PGLS: variants seen among roughly 807,000 people sequenced by gnomAD.
The protein encoded by PGLS is 6-phosphogluconolactonase.
A neutral mutation model predicts 23.2 loss-of-function variants in PGLS; 21 were observed. The ratio of observed to expected loss-of-function variants is 0.91; its 90% CI spans 0.64 to 1.31. The LOEUF (loss-of-function observed/expected upper bound fraction) is 1.31. PGLS is among the 50% of genes most tolerant of loss of function. The probability of loss-of-function intolerance (pLI) is 0.00; values close to 1 mark genes in which losing one functional copy is unlikely to be tolerated. For synonymous variants in PGLS, 179 were observed against 165.4 expected (o/e 1.08, Z -0.63); for missense variants, 410 against 354.0 (o/e 1.16, Z -1.27).
intron 1 of PGLS, chr19:17,512,930 A>G (rs2075515921): frequency 6.6e-6 from 1 of 152,278 alleles, no homozygotes. Flanking sequence ...ATGAGATGTT[A>G]CACTCATTTC....
At chr19:17,517,193 G>GATAAAAAAA (rs2075537375) in intron 2 of PGLS, 95 bp from the exon 3 acceptor site, 1 of 791,696 alleles carries the variant, frequency 1.3e-6, no homozygotes, top group Non-Finnish European at 2.2e-6. Context: ...ACAGCTACTT[G>GATAAAAAAA]TATTTTTTTA....
At chr19:17,517,433 T>G (rs577652792) in intron 3 of PGLS, 44 bp downstream of exon 3, 1 of 1,452,124 alleles carries the variant, frequency 6.9e-7, no homozygotes, top group African/African-American at 1.4e-5. Flanking sequence ...CTGAGCCCAG[T>G]CCCTAACATC....
chr19:17,519,691 C>T (rs2075548756), intron 4 of PGLS, among the ~76,000 whole-genome samples: 2 of 152,158 alleles, frequency 1.3e-5, no homozygotes, highest in Non-Finnish European at 2.9e-5. Flanking sequence ...TGAACCACCG[C>T]ACCCGGCCCA....
In PGLS at chr19:17,517,315, T is replaced by C; in HGVS notation, c.424T>C (p.Phe142Leu). The C allele has an allele frequency of 6.2e-7, 1 of 1,614,002 alleles. No homozygotes were observed. Among genetic ancestry groups the C allele is most frequent in the South Asian group, 1.1e-5 (1 of 91,080 alleles). ...QAFQGDSIPVFDLLILGVGPD... is the reference protein window; with the variant it reads ...QAFQGDSIPVLDLLILGVGPD... ...ATTCCAAGGGGACTCCATCCCGGTTTTCGACCTGCTGATCCTGGGGGTGGG... is the reference window on the plus strand; with the variant it reads ...ATTCCAAGGGGACTCCATCCCGGTTCTCGACCTGCTGATCCTGGGGGTGGG... The change falls in exon 3 of 5, where the codon TTC becomes CTC. Residue 142 changes from phenylalanine (F) to leucine (L), a missense_variant. Phe to Leu is a conservative substitution (Grantham distance 22). Transcript: ENST00000252603.
chr19:17,514,410 TTTCCTTCC>T lies in PGLS; in HGVS notation c.289-1754_289-1747del, dbSNP rs143525568. Among the ~76,000 whole-genome samples, 4 of 152,082 alleles carry T rather than the reference TTTCCTTCC, an allele frequency of 2.6e-5. No individual in the cohort carries two copies. The East Asian group carries it at 5.8e-4, about 22-fold the overall frequency. On this transcript the variant is annotated intron_variant, in intron 1 of 4. Coordinates refer to ENST00000252603, the MANE Select transcript of PGLS (RefSeq NM_012088.3). ...ACTAATTACATCTGCAAAGACCCTATTTCCTTCCTTCCTTCCCTCCTTCCCTCCCTTCC... is the reference window on the plus strand; with the variant it reads ...ACTAATTACATCTGCAAAGACCCTATTTCCTTCCCTCCTTCCCTCCCTTCC...
chr19:17,517,452 C>T (rs1244689363), intron 3 of PGLS, 63 bp downstream of exon 3: 15 of 1,325,062 alleles, frequency 1.1e-5, no homozygotes, highest in Non-Finnish European at 1.6e-5. Context: ...TCTGGGACTT[C>T]CAGAGGGAGA....
intron 4 of PGLS, chr19:17,520,302 C>G (rs563380936): frequency 6.6e-6 from 1 of 152,006 alleles, no homozygotes; most frequent in Non-Finnish European, 1.5e-5. Context: ...AATCCCAGCA[C>G]TTTGGGAGAC....
intron 4 of PGLS, chr19:17,518,404 T>C (rs1167661655): frequency 6.6e-6 from 1 of 152,222 alleles, no homozygotes; most frequent in Non-Finnish European, 1.5e-5. Flanking sequence ...TAAAGTATTT[T>C]AGGAAAATAC....
chr19:17,513,737 T>G (rs530267294), intron 1 of PGLS, among the ~76,000 whole-genome samples: 7 of 152,256 alleles, frequency 4.6e-5, no homozygotes, highest in African/African-American at 1.7e-4. Context: ...GAGAATCGCT[T>G]GAATGTGGGA....
rs1599690605 is a variant in PGLS, at chr19:17,517,741, A to C, written c.530A>C (p.Asp177Ala). ...GAGAAGATTGTGGCTCCCATCAGTG[A>C]CTCCCCGAAGCCACCGCCACAGCGT... Reference protein sequence around the residue: ...EREKIVAPISDSPKPPPQRVT... With the variant: ...EREKIVAPISASPKPPPQRVT... Residue 177 changes from aspartate to alanine, a missense_variant, in exon 4 of 5, where the codon GAC becomes GCC. By Grantham distance (126) the Asp-to-Ala change is moderately radical. Coordinates refer to ENST00000252603, the MANE Select transcript of PGLS (RefSeq NM_012088.3). The C allele has an allele frequency of 6.2e-7, 1 of 1,613,724 alleles. No individual in the cohort carries two copies. Among genetic ancestry groups the C allele is most frequent in the Non-Finnish European group, 8.5e-7 (1 of 1,179,956 alleles).
At chr19:17,518,076 GA>G (rs2075541946) in intron 4 of PGLS, among the ~76,000 whole-genome samples, 1 of 150,210 alleles carries the variant, frequency 6.7e-6, no homozygotes, top group Non-Finnish European at 1.5e-5. Context: ...GCTATGAAAT[GA>G]AATTGATGAG....
Position 17,517,641 on chromosome 19 carries a change from G to A in PGLS, c.499-69G>A, listed in dbSNP as rs2075539348. 2.6e-6 allele frequency: 4 copies of A among 1,538,104 alleles called. No homozygotes were observed. The South Asian group carries it at 3.4e-5, about 13-fold the overall frequency. The stretch of plus-strand genomic sequence containing the variant: ...GAACAGTGGCTGGACCAGGCCTGGT[G>A]TGTGTAAGTGTCCAAGAAGCTGAAG... On this transcript the variant is annotated intron_variant, in intron 3 of 4. Coordinates refer to ENST00000252603, the MANE Select transcript of PGLS (RefSeq NM_012088.3).
intron 1 of PGLS, among the ~76,000 whole-genome samples, chr19:17,515,243 T>C (rs1355372785): frequency 1.3e-5 from 2 of 152,122 alleles, no homozygotes; most frequent in African/African-American, 4.8e-5. Context: ...GGCTCCCCAA[T>C]GCCCTCAGTG....
Position 17,519,018 on chromosome 19 carries a change from A to G in PGLS, c.639+1168A>G, listed in dbSNP as rs892802606. On this transcript the variant is annotated intron_variant, in intron 4 of 4. Coordinates refer to ENST00000252603, the MANE Select transcript of PGLS (RefSeq NM_012088.3). ...GGAACATCACGAGAACTCATCTCCA[A>G]AAAAAATAAATCAGGCGGGGCGCGG... is the stretch of plus-strand genomic sequence containing the variant. Among the ~76,000 whole-genome samples the G allele has an allele frequency of 5.3e-5, 8 of 152,188 alleles. No individual in the cohort carries two copies. The East Asian group carries it at 7.8e-4, about 15-fold the overall frequency.
At chr19:17,520,006 A>T (rs1177817431) in intron 4 of PGLS, among the ~76,000 whole-genome samples, 1 of 152,106 alleles carries the variant, frequency 6.6e-6, no homozygotes, top group Non-Finnish European at 1.5e-5. Flanking sequence ...ATAAAAAATT[A>T]GCTGGGCACA....
At chr19:17,516,637 T>C in intron 2 of PGLS, 1 of 515,044 alleles carries the variant, frequency 1.9e-6, no homozygotes, top group Non-Finnish European at 2.5e-6. Context: ...CAGGCTGGAG[T>C]GCAGTGGCGT....
intron 1 of PGLS, 107 bp downstream of exon 1, chr19:17,512,067 C>G: frequency 2.5e-6 from 3 of 1,179,846 alleles, no homozygotes; most frequent in Non-Finnish European, 2.3e-6. Flanking sequence ...GCCGCGCCCA[C>G]TGTCTGCACC....
chr19:17,516,146 G>A (rs2075531052), intron 1 of PGLS, 27 bp from the exon 2 acceptor site: 2 of 1,565,944 alleles, frequency 1.3e-6, no homozygotes, highest in Non-Finnish European at 1.8e-6. Context: ...GTTACTGTTG[G>A]TGACATTGTC....
In PGLS at chr19:17,515,841, G is replaced by A. The variant is rs186144482; in HGVS notation, c.289-332G>A. The A allele has an allele frequency of 1.8e-3, 430 of 245,654 alleles. 6 individuals carry two copies. The highest frequency in any genetic ancestry group is 2.6e-4 in the Non-Finnish European group (31 of 119,266). The allele number at this position is 245,654 out of a possible 1,614,324, so 15.2% of individuals were successfully genotyped here. A position where few individuals can be genotyped will look rare whatever the true frequency, so the allele number is the denominator to read the frequency against. On this transcript the variant is annotated intron_variant, in intron 1 of 4. Transcript: ENST00000252603. ...GACTCCTGTTGGAATGCTGGCCCCCGCAGGAACCACCATGATCCCGATTCA... is the reference window on the plus strand; with the variant it reads ...GACTCCTGTTGGAATGCTGGCCCCCACAGGAACCACCATGATCCCGATTCA...
Sources: gnomAD v4.1 joint callset for allele counts (sites outside exome capture counted in the v4.1 genomes callset) on GRCh38, gnomAD v4.1.1 for gene constraint, MANE v1.5 for transcripts, NCBI Gene and HGNC (gene_info 2026-07-23, HGNC 2026-07-21) for gene names.